PNKD: variants seen among roughly 807,000 people sequenced by gnomAD.
PNKD encodes the protein PNKD metallo-beta-lactamase domain containing.
Under a neutral mutation model 45.3 loss-of-function variants are expected in PNKD, and 36 were observed. The observed-to-expected ratio is 0.80, with a 90% CI of 0.61 to 1.05. PNKD has a LOEUF of 1.05. Ranked by LOEUF, PNKD falls within the 50% of genes least tolerant of loss-of-function variation. The pLI, the probability that PNKD is intolerant of heterozygous loss-of-function variation, is 0.00. For missense variants in PNKD, 511 were observed against 506.6 expected (o/e 1.01, Z -0.08); for synonymous variants, 197 against 210.1 (o/e 0.94, Z 0.54).
chr2:218,323,184 G>T (rs1694039996), intron 2 of PNKD: 10 of 1,382,106 alleles, frequency 7.2e-6, no homozygotes, highest in Non-Finnish European at 7.5e-6. Context: ...AGAGCCGGCA[G>T]GCAGGTTCCC....
At chr2:218,343,129 G>C (rs1032812590) in intron 7 of PNKD, among the ~76,000 whole-genome samples, 1 of 152,188 alleles carries the variant, frequency 6.6e-6, no homozygotes, top group Non-Finnish European at 1.5e-5. Context: ...TAGGTGAGTG[G>C]GTGGGTGAGG....
At chr2:218,275,581 T>C (rs1337839850) in intron 2 of PNKD, 13 of 1,613,860 alleles carry the variant, frequency 8.1e-6, no homozygotes, top group Non-Finnish European at 1.1e-5. Flanking sequence ...GATGGTGTGC[T>C]TCCGGTTCCC....
At chr2:218,315,393 G>A (rs1272417553) in intron 2 of PNKD, among the ~76,000 whole-genome samples, 2 of 151,478 alleles carry the variant, frequency 1.3e-5, no homozygotes, top group Non-Finnish European at 2.9e-5. Flanking sequence ...CACCCACCTC[G>A]GCCTCCACCC....
At chr2:218,314,509 G>C (rs1041311805) in intron 2 of PNKD, among the ~76,000 whole-genome samples, 1 of 151,712 alleles carries the variant, frequency 6.6e-6, no homozygotes, top group Non-Finnish European at 1.5e-5. Flanking sequence ...TTGTACTTTG[G>C]GTGCAAGTTA....
intron 2 of PNKD, chr2:218,275,982 C>T (rs576676284): frequency 1.3e-6 from 2 of 1,589,698 alleles, no homozygotes; most frequent in African/African-American, 2.7e-5. Flanking sequence ...GATTCCTCCC[C>T]TCATCCCCTC....
chr2:218,270,547 G>A lies in PNKD; in HGVS notation c.12G>A (p.Val4=). Residue 4 remains valine (V), a synonymous_variant, in exon 1 of 10, where the codon GTG becomes GTA. Coordinates refer to ENST00000273077, the MANE Select transcript of PNKD (RefSeq NM_015488.5). ...GGTGGGATCTGAACATGGCGGCGGTGGTAGCTGCTACGGCGCTGAAGGGCC... is the reference window on the plus strand; with the variant it reads ...GGTGGGATCTGAACATGGCGGCGGTAGTAGCTGCTACGGCGCTGAAGGGCC... MAA[V]VAATALKGRG... 1.6e-6 allele frequency: 2 copies of A among 1,238,124 alleles called. No individual in the cohort carries two copies. The allele number at this position is 1,238,124 out of a possible 1,614,324, so 76.7% of individuals were successfully genotyped here.
intron 2 of PNKD, chr2:218,287,181 G>A (rs1692589472): frequency 6.6e-6 from 1 of 152,146 alleles, no homozygotes; most frequent in Non-Finnish European, 1.5e-5. Flanking sequence ...TAAAATATCA[G>A]AGCTGGCTTA....
Position 218,345,162 on chromosome 2 carries a change from G to A in PNKD, c.*181G>A, listed in dbSNP as rs73088173. 6.6e-6 allele frequency: 4 copies of A among 607,914 alleles called. No individual in the cohort carries two copies. In the African/African-American group the frequency reaches 7.4e-5, roughly 11 times the overall value. 37.7% of individuals were successfully genotyped at this position (607,914 alleles called of 1,614,324 possible). ...GATGAGACTGTGAGGCCAAAAGAAG[G>A]GGGCCTGTTGGAGGCTGGGAACCCC... On this transcript the variant is annotated 3_prime_UTR_variant, in exon 10 of 10. Coordinates refer to ENST00000273077, the MANE Select transcript of PNKD (RefSeq NM_015488.5).
intron 2 of PNKD, among the ~76,000 whole-genome samples, chr2:218,336,820 G>C (rs1694510038): frequency 9.5e-6 from 1 of 105,202 alleles, no homozygotes; most frequent in South Asian, 3.3e-4. Flanking sequence ...TTTTCAGACA[G>C]AGTTTCACTC....
intron 2 of PNKD, chr2:218,279,013 C>G (rs755793228): frequency 6.2e-7 from 1 of 1,613,720 alleles, no homozygotes; most frequent in Non-Finnish European, 8.5e-7. Flanking sequence ...CCTCCCTGCC[C>G]AACCACAGAG....
intron 2 of PNKD, chr2:218,272,877 AC>A: frequency 6.3e-7 from 1 of 1,591,174 alleles, no homozygotes; most frequent in Non-Finnish European, 8.6e-7. Flanking sequence ...CTGTTGCCAA[AC>A]CCTACCCTGC....
At position 218,288,211 on chromosome 2, in the gene PNKD, G is replaced by A. The variant is rs576652255; in HGVS notation, c.236+16662G>A. ...TGGGAGGCCAAGGCGGGCGGATCAC[G>A]AGGTCAGGAGATCGAGACCATCCTG... On this transcript the variant is annotated intron_variant, in intron 2 of 9. Transcript: ENST00000273077. Among the ~76,000 whole-genome samples the A allele has an allele frequency of 3.0e-3, 464 of 152,142 alleles. 3 individuals carry two copies. Among genetic ancestry groups the A allele is most frequent in the African/African-American group, 9.8e-3 (405 of 41,514 alleles).
chr2:218,296,109 A>G (rs989606453), intron 2 of PNKD, among the ~76,000 whole-genome samples: 1 of 152,124 alleles, frequency 6.6e-6, no homozygotes, highest in Non-Finnish European at 1.5e-5. Flanking sequence ...CACCCTCCCA[A>G]AGTGCTGGGA....
intron 2 of PNKD, among the ~76,000 whole-genome samples, chr2:218,313,020 T>C (rs1693662975): frequency 6.6e-6 from 1 of 152,066 alleles, no homozygotes; most frequent in South Asian, 2.1e-4. Flanking sequence ...TACCTGGCCC[T>C]AGCTTCCCCA....
intron 2 of PNKD, among the ~76,000 whole-genome samples, chr2:218,323,760 G>A (rs763469036): frequency 7.2e-4 from 110 of 152,026 alleles, no homozygotes; most frequent in Non-Finnish European, 1.3e-3. Context: ...GATAGTGCAG[G>A]AGCCAGGGCT....
At chr2:218,283,003 C>T (rs1175137378) in intron 2 of PNKD, among the ~76,000 whole-genome samples, 2 of 152,166 alleles carry the variant, frequency 1.3e-5, no homozygotes, top group African/African-American at 4.8e-5. Flanking sequence ...CCCCCTTACC[C>T]CCACCCTGGA....
intron 2 of PNKD, among the ~76,000 whole-genome samples, chr2:218,329,101 CA>C (rs138286240): frequency 0.024 from 3,608 of 152,302 alleles, 140 homozygotes; most frequent in African/African-American, 0.079. Context: ...CCCAGCTACT[CA>C]GGAGGCCGAG....
chr2:218,344,352 G>C (rs1344366694), intron 8 of PNKD, 103 bp from the exon 9 acceptor site: 5 of 819,376 alleles, frequency 6.1e-6, no homozygotes, highest in Non-Finnish European at 1.0e-5. Flanking sequence ...CTCATCCCTA[G>C]TTGTCAGGTG....
At position 218,344,845 on chromosome 2, in the gene PNKD, C is replaced by T. The variant is rs147840720; in HGVS notation, c.1022C>T (p.Pro341Leu). Residue 341 changes from proline (P) to leucine (L), a missense_variant, in exon 10 of 10, where the codon CCG (proline) becomes CTG (leucine). Transcript: ENST00000273077. ...STLGEERSYN[P>L]FLRTHCLALQ... ...CTGGGAGAGGAGCGCTCCTACAACC[C>T]GTTCCTGAGAACCCACTGCCTGGCG... 2.5e-6 allele frequency: 4 copies of T among 1,613,890 alleles called. No homozygotes were observed. Among genetic ancestry groups the T allele is most frequent in the Middle Eastern group, 1.6e-4 (1 of 6,080 alleles).
Sources: allele counts gnomAD v4.1 joint callset (sites outside exome capture counted in the v4.1 genomes callset), GRCh38; gene constraint gnomAD v4.1.1; transcripts MANE v1.5; gene names NCBI Gene and HGNC (gene_info 2026-07-23, HGNC 2026-07-21).